The following PARVA variants were observed in gnomAD, a reference collection of about 807,000 sequenced individuals.
PARVA encodes the protein alpha-parvin.
In PARVA, 25 loss-of-function variants were observed where a neutral mutation model predicts 52.6. The observed-to-expected ratio is 0.48, with a 90% CI of 0.35 to 0.66. The LOEUF (loss-of-function observed/expected upper bound fraction) is 0.66. Among genes scored for constraint, PARVA ranks in the 30% least tolerant of loss-of-function variants. The pLI, the probability that PARVA is intolerant of heterozygous loss-of-function variation, is 0.01. For missense variants in PARVA, 373 were observed against 450.9 expected (o/e 0.83, Z 1.56); for synonymous variants, 185 against 179.1 (o/e 1.03, Z -0.26).
At chr11:12,490,235 TAGG>T (rs1941217003) in intron 4 of PARVA, among the ~76,000 whole-genome samples, 1 of 111,856 alleles carries the variant, frequency 8.9e-6, no homozygotes, top group South Asian at 2.8e-4. Context: ...AAAAAAAAGT[TAGG>T]AGAGGCGGGG....
intron 1 of PARVA, among the ~76,000 whole-genome samples, chr11:12,438,214 C>T (rs1394542683): frequency 2.0e-5 from 3 of 150,252 alleles, no homozygotes; most frequent in Admixed American, 6.6e-5. Flanking sequence ...GAGCAGAGAT[C>T]GCGCCACTAC....
In PARVA at chr11:12,397,033, C is replaced by T. The variant is rs77611783; in HGVS notation, c.136+19250C>T. On this transcript the variant is annotated intron_variant, in intron 1 of 12. Coordinates refer to ENST00000334956, the MANE Select transcript of PARVA (RefSeq NM_018222.5). ...CAATATTATTGTTAAGAGTGTTCAGCGGTTTATTCTTTTTCACGTACCTAT... is the reference window on the plus strand; with the variant it reads ...CAATATTATTGTTAAGAGTGTTCAGTGGTTTATTCTTTTTCACGTACCTAT... 6.1e-4 allele frequency among the ~76,000 whole-genome samples: 91 copies of T among 149,706 alleles called. No homozygotes were observed. The East Asian group carries it at 0.012, about 19-fold the overall frequency.
intron 5 of PARVA, among the ~76,000 whole-genome samples, chr11:12,500,811 G>A (rs1244279631): frequency 2.2e-5 from 3 of 138,890 alleles, no homozygotes; most frequent in African/African-American, 8.1e-5. Context: ...AAAAAAGGGG[G>A]AAAAAAAACC....
chr11:12,377,543 C>A, upstream of PARVA: 2 of 1,467,476 alleles, frequency 1.4e-6, no homozygotes, highest in Non-Finnish European at 1.8e-6. Context: ...TGGAATAATT[C>A]CGCTTCCGTT....
chr11:12,380,586 T>C (rs1016388079), intron 1 of PARVA, among the ~76,000 whole-genome samples: 2 of 150,818 alleles, frequency 1.3e-5, no homozygotes, highest in Non-Finnish European at 2.9e-5. Flanking sequence ...GCAGCGTCCA[T>C]AGGGCACAGA....
At chr11:12,500,576 G>C (rs966199726) in intron 5 of PARVA, among the ~76,000 whole-genome samples, 1 of 151,984 alleles carries the variant, frequency 6.6e-6, no homozygotes, top group Non-Finnish European at 1.5e-5. Context: ...GATCACCTGA[G>C]GTCAGGACTT....
rs968629600 is a variant in PARVA at position 12,406,670 on chromosome 11, T to G, written c.136+28887T>G. On this transcript the variant is annotated intron_variant, in intron 1 of 12. Transcript: ENST00000334956. ...TATTTAGGTTGTATCTGTTTTTTTTTTTTTTTTTTTTTTTTTTTGAGACGG... is the reference window on the plus strand; with the variant it reads ...TATTTAGGTTGTATCTGTTTTTTTTGTTTTTTTTTTTTTTTTTTGAGACGG... 4.9e-4 allele frequency among the ~76,000 whole-genome samples: 51 copies of G among 104,250 alleles called. 1 individual carries two copies. The highest frequency in any genetic ancestry group is 2.1e-3 in the Admixed American group (24 of 11,602). The allele number at this position is 104,250 out of a possible 152,430, so 68.4% of individuals were successfully genotyped here. A position where few individuals can be genotyped will look rare whatever the true frequency, so the allele number is the denominator to read the frequency against.
At chr11:12,466,189 C>A (rs568495164) in intron 1 of PARVA, among the ~76,000 whole-genome samples, 1 of 152,278 alleles carries the variant, frequency 6.6e-6, no homozygotes, top group East Asian at 1.9e-4. Flanking sequence ...GTAGTTGAGT[C>A]AGACTTGCAT....
chr11:12,482,688 G>T (rs988225554), intron 4 of PARVA, among the ~76,000 whole-genome samples: 5 of 151,718 alleles, frequency 3.3e-5, no homozygotes, highest in Admixed American at 3.3e-4. Flanking sequence ...GTGAGGCCTT[G>T]CAATCATGGC....
chr11:12,417,148 A>G (rs1940077750), intron 1 of PARVA, among the ~76,000 whole-genome samples: 1 of 152,224 alleles, frequency 6.6e-6, no homozygotes, highest in Non-Finnish European at 1.5e-5. Context: ...CATATTACAA[A>G]AACATTTTGA....
rs542947191 is a variant in PARVA at position 12,396,571 on chromosome 11, T to C, written c.136+18788T>C. ...CTGTCTCATAAGGTTGTCTTGAAGA[T>C]GAAAGGAATTGATACTTGTGAAGTG... is the stretch of plus-strand genomic sequence containing the variant. On this transcript the variant is annotated intron_variant, in intron 1 of 12. Transcript: ENST00000334956. Among the ~76,000 whole-genome samples, 26 of 152,320 alleles carry C rather than the reference T, an allele frequency of 1.7e-4. No homozygotes were observed. In the East Asian group the frequency reaches 4.6e-3, roughly 27 times the overall value.
intron 8 of PARVA, among the ~76,000 whole-genome samples, chr11:12,512,540 C>T (rs138046727): frequency 1.2e-4 from 19 of 152,268 alleles, no homozygotes; most frequent in South Asian, 8.3e-4. Flanking sequence ...TCTGAGAACA[C>T]GGAGGCTGCA....
intron 1 of PARVA, among the ~76,000 whole-genome samples, chr11:12,389,326 G>A (rs1372870931): frequency 6.6e-6 from 1 of 152,110 alleles, no homozygotes; most frequent in Non-Finnish European, 1.5e-5. Context: ...GCTGCCCTGG[G>A]GACTGCCATC....
At chr11:12,393,012 G>A (rs1939681709) in intron 1 of PARVA, among the ~76,000 whole-genome samples, 1 of 122,712 alleles carries the variant, frequency 8.1e-6, no homozygotes, top group African/African-American at 3.1e-5. Flanking sequence ...ATTGGAAATT[G>A]TTGGCTGGAA....
At chr11:12,378,218 G>T (rs1387279086) in intron 1 of PARVA, among the ~76,000 whole-genome samples, 1 of 152,328 alleles carries the variant, frequency 6.6e-6, no homozygotes, top group African/African-American at 2.4e-5. Flanking sequence ...CCTGGGCGCC[G>T]TCGCTCTTAC....
intron 3 of PARVA, among the ~76,000 whole-genome samples, chr11:12,474,319 T>C (rs2135036942): frequency 6.6e-6 from 1 of 152,038 alleles, no homozygotes; most frequent in East Asian, 1.9e-4. Context: ...ATTAGTCTCA[T>C]CCCCATTTTC....
chr11:12,397,360 G>A (rs956581865), intron 1 of PARVA, among the ~76,000 whole-genome samples: 3 of 152,168 alleles, frequency 2.0e-5, no homozygotes, highest in East Asian at 1.9e-4. Context: ...ACTGCACCCA[G>A]CTTAAATTTA....
At chr11:12,495,613 A>C (rs1941288963) in intron 4 of PARVA, among the ~76,000 whole-genome samples, 1 of 119,030 alleles carries the variant, frequency 8.4e-6, no homozygotes, top group African/African-American at 2.8e-5. Flanking sequence ...GATTAGACTG[A>C]GTTTTTCCTT....
rs115771127 is a variant in PARVA, at chr11:12,402,849, A to G, written c.136+25066A>G. Among the ~76,000 whole-genome samples, 674 of 152,208 alleles carry G rather than the reference A, an allele frequency of 4.4e-3. 4 individuals are homozygous for G. The highest frequency in any genetic ancestry group is 0.015 in the African/African-American group (624 of 41,526). On this transcript the variant is annotated intron_variant, in intron 1 of 12. Coordinates refer to ENST00000334956, the MANE Select transcript of PARVA (RefSeq NM_018222.5). ...TGTCAGAAAGTTGAATGCCTTTCTC[A>G]TTTTCGTACTCGGAGTGGTTGAGTC...
Sources: gnomAD v4.1 joint callset for allele counts (sites outside exome capture counted in the v4.1 genomes callset) on GRCh38, gnomAD v4.1.1 for gene constraint, MANE v1.5 for transcripts, NCBI Gene and HGNC (gene_info 2026-07-23, HGNC 2026-07-21) for gene names.